HLCS: variants seen among roughly 807,000 people sequenced by gnomAD.
HLCS encodes holocarboxylase synthetase.
HLCS carries 53 observed loss-of-function variants against 75.0 expected under a neutral mutation model. The observed-to-expected ratio is 0.71, with a 90% confidence interval of 0.57 to 0.89. The LOEUF is 0.89. Among genes scored for constraint, HLCS ranks in the 40% least tolerant of loss-of-function variants. HLCS has a pLI of 0.00. For missense variants in HLCS, 966 were observed against 1,074.0 expected (o/e 0.90, Z 1.41); for synonymous variants, 431 against 428.6 (o/e 1.01, Z -0.07).
chr21:36,776,622 T>C (rs1408360636), intron 6 of HLCS, among the ~76,000 whole-genome samples: 1 of 152,054 alleles, frequency 6.6e-6, no homozygotes, highest in Non-Finnish European at 1.5e-5. Context: ...ACCACGTTGG[T>C]TGGGCTGGTC....
rs1404837920 is a variant in HLCS, at chr21:36,923,667, T to C, written c.1620+6584A>G. 2.0e-5 allele frequency among the ~76,000 whole-genome samples: 3 copies of C among 152,336 alleles called. No individual in the cohort carries two copies. In the South Asian group the frequency reaches 6.2e-4, roughly 32 times the overall value. On this transcript the variant is annotated intron_variant, in intron 5 of 10. Coordinates refer to ENST00000674895, the MANE Select transcript of HLCS (RefSeq NM_001352514.2). Reference sequence around the variant, plus strand: ...TTGAGGCACACTTGTGGAAACAAGATTCAAGTAAAAAGACAGGACACACAG... The same window carrying C: ...TTGAGGCACACTTGTGGAAACAAGACTCAAGTAAAAAGACAGGACACACAG...
intron 5 of HLCS, among the ~76,000 whole-genome samples, chr21:36,906,911 T>TC (rs946136413): frequency 2.0e-5 from 3 of 151,946 alleles, no homozygotes; most frequent in African/African-American, 7.3e-5. Flanking sequence ...GTGTGATTGA[T>TC]TTTTTTTAAT....
Position 36,936,866 on chromosome 21 carries a change from G to A in HLCS, c.1020C>T (p.Asp340=). 6.2e-7 allele frequency: 1 copy of A among 1,614,178 alleles called. No individual in the cohort carries two copies. The highest frequency in any genetic ancestry group is 8.5e-7 in the Non-Finnish European group (1 of 1,180,038). The change falls in exon 4 of 11, where the codon GAC becomes GAT. Residue 340 remains aspartate (D), a synonymous_variant. Transcript: ENST00000674895. ...RSVLADCVDI[D]SYILYHLLED... ...CCAGCAGGTGGTAGAGAATATAACTGTCAATGTCCACACAGTCGGCCAGCA... is the reference window on the plus strand; with the variant it reads ...CCAGCAGGTGGTAGAGAATATAACTATCAATGTCCACACAGTCGGCCAGCA...
At chr21:36,761,419 T>C (rs2089837824) in intron 8 of HLCS, among the ~76,000 whole-genome samples, 1 of 151,912 alleles carries the variant, frequency 6.6e-6, no homozygotes, top group African/African-American at 2.4e-5. Flanking sequence ...AATACAGGAA[T>C]AGGAGCACAG....
At chr21:36,779,246 C>T (rs2060454243) in intron 6 of HLCS, among the ~76,000 whole-genome samples, 2 of 152,010 alleles carry the variant, frequency 1.3e-5, no homozygotes, top group Non-Finnish European at 2.9e-5. Flanking sequence ...CAGTTCATAC[C>T]CCTGATGAAT....
intron 2 of HLCS, 41 bp from the exon 3 acceptor site, chr21:36,939,035 G>A (rs1462855017): frequency 1.3e-6 from 2 of 1,554,412 alleles, no homozygotes; most frequent in African/African-American, 1.4e-5. Context: ...GAAAAGACAG[G>A]TTGAGATTTT....
At chr21:36,762,684 C>G (rs975042726) in intron 8 of HLCS, among the ~76,000 whole-genome samples, 3 of 152,234 alleles carry the variant, frequency 2.0e-5, no homozygotes, top group Non-Finnish European at 4.4e-5. Context: ...TCCCATCACA[C>G]AGGTGAGGCT....
Position 36,937,030 on chromosome 21 carries a change from A to G in HLCS, c.856T>C (p.Leu286=). The G allele has an allele frequency of 1.2e-6, 2 of 1,613,972 alleles. No homozygotes were observed. Among genetic ancestry groups the G allele is most frequent in the Non-Finnish European group, 1.7e-6 (2 of 1,179,986 alleles). The change falls in exon 4 of 11, where the codon TTG becomes CTG. Residue 286 remains leucine (L), a synonymous_variant. Coordinates refer to ENST00000674895, the MANE Select transcript of HLCS (RefSeq NM_001352514.2). ...GAGGTCTCATCAGCAACACTCTCCAAACTGCTGCTATAATCGTAGGGAAGG... is the reference window on the plus strand; with the variant it reads ...GAGGTCTCATCAGCAACACTCTCCAGACTGCTGCTATAATCGTAGGGAAGG... ...PDLPYDYSSS[L]ESVADETSPE... is the part of the protein sequence containing the mutation.
intron 6 of HLCS, among the ~76,000 whole-genome samples, chr21:36,808,585 G>A (rs2061424593): frequency 1.3e-5 from 2 of 152,118 alleles, no homozygotes; most frequent in Admixed American, 1.3e-4. Flanking sequence ...TTACCTTACA[G>A]CTGTTACATG....
chr21:36,976,779 C>A (rs183773567), intron 1 of HLCS, among the ~76,000 whole-genome samples: 33 of 152,146 alleles, frequency 2.2e-4, no homozygotes, highest in African/African-American at 2.2e-4. Context: ...CACTGAATTT[C>A]ATCAGCACTC....
Position 36,937,243 on chromosome 21 carries a change from C to A in HLCS, c.643G>T (p.Ala215Ser), listed in dbSNP as rs1387899073. 6.2e-7 allele frequency: 1 copy of A among 1,614,046 alleles called. No homozygotes were observed. Reference protein sequence around the residue: ...MEHVGRDDPKALGEEPKQRRG... With the variant: ...MEHVGRDDPKSLGEEPKQRRG... Reference sequence around the variant, plus strand: ...CTTTGTTTGGGTTCTTCACCAAGAGCCTTTGGGTCATCTCTGCCAACATGC... The same window carrying A: ...CTTTGTTTGGGTTCTTCACCAAGAGACTTTGGGTCATCTCTGCCAACATGC... Residue 215 changes from alanine to serine, a missense_variant, in exon 4 of 11, where the codon GCT becomes TCT. Physicochemically the swap from Ala to Ser is moderately conservative, Grantham distance 99. Transcript: ENST00000674895.
chr21:36,773,896 A>C (rs2060279948), intron 6 of HLCS, among the ~76,000 whole-genome samples: 1 of 152,230 alleles, frequency 6.6e-6, no homozygotes, highest in South Asian at 2.1e-4. Context: ...CATTGTAAAA[A>C]CCAACCATTA....
In HLCS at chr21:36,929,410, T is replaced by C. The variant is rs1601775687; in HGVS notation, c.1620+841A>G. The stretch of plus-strand genomic sequence containing the variant: ...TCCAAGTGAGCCCATCACACCCAGA[T>C]AGCTCATAGCTCTGCTCTCCTCCAA... On this transcript the variant is annotated intron_variant, in intron 5 of 10. Transcript: ENST00000674895. Among the ~76,000 whole-genome samples, 3 of 152,344 alleles carry C rather than the reference T, an allele frequency of 2.0e-5. No individual in the cohort carries two copies. In the South Asian group the frequency reaches 6.2e-4, roughly 32 times the overall value.
intron 6 of HLCS, among the ~76,000 whole-genome samples, chr21:36,895,152 A>G (rs2064963391): frequency 6.6e-6 from 1 of 152,194 alleles, no homozygotes; most frequent in Non-Finnish European, 1.5e-5. Context: ...AATATTCTTC[A>G]GTATTCTCCA....
intron 1 of HLCS, among the ~76,000 whole-genome samples, chr21:36,981,496 G>A (rs1457791098): frequency 6.9e-6 from 1 of 145,648 alleles, no homozygotes; most frequent in African/African-American, 2.6e-5. Context: ...CGCCTCCCAG[G>A]TTCAAGTGAT....
intron 10 of HLCS, 44 bp from the exon 11 acceptor site, chr21:36,754,461 G>A (rs1056463672): frequency 1.9e-6 from 3 of 1,576,594 alleles, no homozygotes; most frequent in Non-Finnish European, 2.6e-6. Flanking sequence ...GGTGTCACAG[G>A]ACGACTTAAG....
chr21:36,939,774 G>A (rs2067059450), intron 2 of HLCS, among the ~76,000 whole-genome samples: 1 of 152,170 alleles, frequency 6.6e-6, no homozygotes, highest in African/African-American at 2.4e-5. Flanking sequence ...AGAGCCCGGC[G>A]CTGCAGTCAG....
At chr21:36,771,252 A>ATAAAT (rs1400002341) in intron 6 of HLCS, among the ~76,000 whole-genome samples, 1 of 150,690 alleles carries the variant, frequency 6.6e-6, no homozygotes, top group African/African-American at 2.5e-5. Flanking sequence ...ATAAATATAA[A>ATAAAT]ATAAAATAAA....
rs557537624 is a variant in HLCS at position 36,889,770 on chromosome 21, C to T, written c.1892+7090G>A. On this transcript the variant is annotated intron_variant, in intron 6 of 10. Transcript: ENST00000674895. ...AGACTGGACCCATGTCCCTGGGACTCTACTTAACTGGCTGAGCTAACTGCT... is the reference window on the plus strand; with the variant it reads ...AGACTGGACCCATGTCCCTGGGACTTTACTTAACTGGCTGAGCTAACTGCT... 9.2e-5 allele frequency among the ~76,000 whole-genome samples: 14 copies of T among 152,298 alleles called. No individual in the cohort carries two copies. The South Asian group carries it at 2.9e-3, about 32-fold the overall frequency.
Sources: gnomAD v4.1 joint callset for allele counts (sites outside exome capture counted in the v4.1 genomes callset) on GRCh38, gnomAD v4.1.1 for gene constraint, MANE v1.5 for transcripts, NCBI Gene and HGNC (gene_info 2026-07-23, HGNC 2026-07-21) for gene names.